ITGB8: variants seen among roughly 807,000 people sequenced by gnomAD.
The protein encoded by ITGB8 is integrin beta-8.
In ITGB8, 30 loss-of-function variants were observed where a neutral mutation model predicts 89.5. The observed-to-expected ratio is 0.34, with a 90% confidence interval of 0.25 to 0.45. The LOEUF is 0.45. ITGB8 is among the 20% of genes least tolerant of loss of function. The pLI, the probability that ITGB8 is intolerant of heterozygous loss-of-function variation, is 1.00. For missense variants in ITGB8, 836 were observed against 933.3 expected (o/e 0.90, Z 1.36); for synonymous variants, 335 against 320.4 (o/e 1.05, Z -0.49).
intron 1 of ITGB8, among the ~76,000 whole-genome samples, chr7:20,351,843 C>T (rs1204179380): frequency 6.6e-6 from 1 of 151,730 alleles, no homozygotes; most frequent in African/African-American, 2.4e-5. Flanking sequence ...TTTTAACCTC[C>T]TTAACCATGG....
At chr7:20,389,847 T>TC (rs1197204648) in intron 6 of ITGB8, among the ~76,000 whole-genome samples, 2 of 151,676 alleles carry the variant, frequency 1.3e-5, no homozygotes, top group Non-Finnish European at 1.5e-5. Flanking sequence ...AGTTTTTTTT[T>TC]TTCCATTGCT....
intron 6 of ITGB8, among the ~76,000 whole-genome samples, chr7:20,382,437 A>T (rs996484252): frequency 2.0e-5 from 3 of 152,232 alleles, no homozygotes; most frequent in Non-Finnish European, 4.4e-5. Flanking sequence ...GAGGGTTAGT[A>T]TAAGCTCTGA....
chr7:20,353,827 G>A (rs932389942), intron 1 of ITGB8, among the ~76,000 whole-genome samples: 7 of 149,324 alleles, frequency 4.7e-5, no homozygotes, highest in Admixed American at 1.3e-4. Context: ...AGCTACACGG[G>A]AGGCTGAGGC....
intron 3 of ITGB8, among the ~76,000 whole-genome samples, chr7:20,374,126 G>T (rs1292631420): frequency 6.6e-6 from 1 of 152,152 alleles, no homozygotes. Context: ...AATATAAGTG[G>T]TGGCAGGAAG....
chr7:20,401,956 T>C lies in ITGB8; in HGVS notation c.1517T>C (p.Phe506Ser). The C allele has an allele frequency of 6.2e-7, 1 of 1,614,194 alleles. No homozygotes were observed. The highest frequency in any genetic ancestry group is 8.5e-7 in the Non-Finnish European group (1 of 1,180,016). The change falls in exon 10 of 14, where the codon TTT becomes TCT. Residue 506 changes from phenylalanine to serine, a missense_variant. Phe to Ser is a radical substitution (Grantham distance 155). Around this residue, in one of 5 missense-constraint regions of ITGB8, gnomAD observed 422 missense variants for 416.9 expected, o/e 1.01. Coordinates refer to ENST00000222573, the MANE Select transcript of ITGB8 (RefSeq NM_002214.3). Reference sequence around the variant, plus strand: ...AAATGTCATTTTGATGAAGATCAGTTTTCTTCTGAGAGTTGCAAGTCACAC... The same window carrying C: ...AAATGTCATTTTGATGAAGATCAGTCTTCTTCTGAGAGTTGCAAGTCACAC... Reference protein sequence around the residue: ...ENKCHFDEDQFSSESCKSHKD... With the variant: ...ENKCHFDEDQSSSESCKSHKD...
At chr7:20,359,929 A>G (rs1785436518) in intron 1 of ITGB8, among the ~76,000 whole-genome samples, 1 of 152,156 alleles carries the variant, frequency 6.6e-6, no homozygotes, top group Non-Finnish European at 1.5e-5. Context: ...CACTCTTCCC[A>G]TGCAGTTCAA....
At chr7:20,395,744 GT>G (rs1191971646) in intron 8 of ITGB8, among the ~76,000 whole-genome samples, 1 of 152,160 alleles carries the variant, frequency 6.6e-6, no homozygotes, top group East Asian at 1.9e-4. Context: ...AAAGCAGGTG[GT>G]TAGTACCCAC....
At chr7:20,360,373 G>T (rs779789620) in intron 1 of ITGB8, among the ~76,000 whole-genome samples, 1 of 26,600 alleles carries the variant, frequency 3.8e-5, no homozygotes, top group African/African-American at 1.6e-4. Context: ...CTTGAGTAGC[G>T]TTGGGGTACA....
intron 1 of ITGB8, among the ~76,000 whole-genome samples, chr7:20,359,193 G>C (rs1583487538): frequency 6.6e-6 from 1 of 152,042 alleles, no homozygotes; most frequent in East Asian, 1.9e-4. Context: ...AATAACATGG[G>C]CTTTATGAGG....
At chr7:20,388,695 G>T (rs1212436064) in intron 6 of ITGB8, among the ~76,000 whole-genome samples, 1 of 151,600 alleles carries the variant, frequency 6.6e-6, no homozygotes, top group Non-Finnish European at 1.5e-5. Context: ...GTGCAGGTTT[G>T]TTACCTATGT....
intron 7 of ITGB8, among the ~76,000 whole-genome samples, chr7:20,392,486 G>GT (rs1562692943): frequency 6.6e-6 from 1 of 152,032 alleles, no homozygotes; most frequent in Non-Finnish European, 1.5e-5. Context: ...TACTTTAATC[G>GT]TAACACTTCT....
chr7:20,406,614 T>C (rs1787556465), intron 12 of ITGB8, among the ~76,000 whole-genome samples: 1 of 152,130 alleles, frequency 6.6e-6, no homozygotes, highest in African/African-American at 2.4e-5. Context: ...TTATTCTTTA[T>C]AACAATAATA....
chr7:20,331,653 C>A lies in ITGB8; in HGVS notation c.-154C>A. ...AGCGGTGCCCGGGCCCGCTTACCTG[C>A]ACCGCTTGCTCCGAGCCGCGGGGTC... On this transcript the variant is annotated 5_prime_UTR_variant, in exon 1 of 14. Coordinates refer to ENST00000222573, the MANE Select transcript of ITGB8 (RefSeq NM_002214.3). 1.1e-6 allele frequency: 1 copy of A among 898,842 alleles called. No homozygotes were observed. Among genetic ancestry groups the A allele is most frequent in the South Asian group, 2.0e-5 (1 of 48,974 alleles). The allele number at this position is 898,842 out of a possible 1,614,324, so 55.7% of individuals were successfully genotyped here. A position where few individuals can be genotyped will look rare whatever the true frequency, so the allele number is the denominator to read the frequency against.
intron 1 of ITGB8, chr7:20,346,791 G>C (rs1326583366): frequency 9.1e-6 from 9 of 985,420 alleles, no homozygotes; most frequent in Non-Finnish European, 9.6e-6. Context: ...CACAGGCAGA[G>C]AGGAGGCATG....
chr7:20,401,176 A>C (rs1787294488), intron 9 of ITGB8, among the ~76,000 whole-genome samples: 1 of 152,066 alleles, frequency 6.6e-6, no homozygotes. Flanking sequence ...ATAGGGTTTC[A>C]CCATGTTGGC....
At position 20,379,168 on chromosome 7, in the gene ITGB8, T is replaced by C. The variant is rs779020009; in HGVS notation, c.506T>C (p.Val169Ala). ...MHNNIEKLNS[V>A]GNDLSRKMAF... ...AATAATATAGAAAAATTAAATTCCG[T>C]TGGAAACGATTTATCTAGAAAAATG... The change falls in exon 4 of 14, where the codon GTT becomes GCT. Residue 169 changes from valine to alanine, a missense_variant. Physicochemically the swap from Val to Ala is moderately conservative, Grantham distance 64 (BLOSUM62 0). Around this residue, in one of 5 missense-constraint regions of ITGB8, gnomAD observed 38 missense variants for 52.2 expected, o/e 0.73. Transcript: ENST00000222573. The C allele has an allele frequency of 3.1e-6, 5 of 1,611,868 alleles. No individual in the cohort carries two copies. The highest frequency in any genetic ancestry group is 3.3e-5 in the Admixed American group (2 of 59,740).
At chr7:20,342,110 A>G (rs1583468138) in intron 1 of ITGB8, among the ~76,000 whole-genome samples, 1 of 152,182 alleles carries the variant, frequency 6.6e-6, no homozygotes, top group Non-Finnish European at 1.5e-5. Flanking sequence ...GCAGAACCAG[A>G]GTATTCTTGG....
intron 7 of ITGB8, among the ~76,000 whole-genome samples, chr7:20,393,954 T>C (rs1250828104): frequency 6.6e-6 from 1 of 152,220 alleles, no homozygotes; most frequent in Non-Finnish European, 1.5e-5. Context: ...AGTGAAGAAA[T>C]TGTCATTTAT....
intron 3 of ITGB8, among the ~76,000 whole-genome samples, chr7:20,378,518 A>G (rs1786247217): frequency 1.3e-5 from 2 of 152,238 alleles, no homozygotes; most frequent in South Asian, 2.1e-4. Flanking sequence ...TTGCTGTACT[A>G]CACAGTACCA....
Sources: gnomAD v4.1 joint callset for allele counts (sites outside exome capture counted in the v4.1 genomes callset) on GRCh38, gnomAD v4.1.1 for gene constraint, gnomAD v4.1.1 regional missense constraint, MANE v1.5 for transcripts, NCBI Gene and HGNC (gene_info 2026-07-23, HGNC 2026-07-21) for gene names.